Variants in CEP85L observed in about 807,000 individuals in gnomAD.
CEP85L encodes the protein centrosomal protein of 85 kDa-like.
CEP85L carries 60 observed loss-of-function variants against 100.3 expected under a neutral mutation model. That is an observed-to-expected ratio of 0.60 (90% CI 0.49 to 0.74). The LOEUF (loss-of-function observed/expected upper bound fraction) is 0.74. Among genes scored for constraint, CEP85L ranks in the 30% least tolerant of loss-of-function variants. CEP85L has a pLI of 0.00. For missense variants in CEP85L, 973 were observed against 936.2 expected (o/e 1.04, Z -0.51); for synonymous variants, 319 against 322.7 (o/e 0.99, Z 0.12).
intron 2 of CEP85L, among the ~76,000 whole-genome samples, chr6:118,608,223 C>T (rs1150121): frequency 0.02 from 2,977 of 152,146 alleles, 89 homozygotes; most frequent in African/African-American, 0.067. Context: ...CTGCTGGGCA[C>T]GGTGGCTCAC....
intron 1 of CEP85L, among the ~76,000 whole-genome samples, chr6:118,685,165 T>C (rs1345001900): frequency 6.6e-6 from 1 of 152,210 alleles, no homozygotes; most frequent in Non-Finnish European, 1.5e-5. Context: ...AATTGTCCTT[T>C]TGTTTTTAAG....
At chr6:118,543,891 A>C (rs1778048383) in intron 3 of CEP85L, among the ~76,000 whole-genome samples, 2 of 152,232 alleles carry the variant, frequency 1.3e-5, no homozygotes, top group African/African-American at 2.4e-5. Context: ...GTCACAACGA[A>C]GGGTAGAAAA....
intron 2 of CEP85L, among the ~76,000 whole-genome samples, chr6:118,583,801 A>G (rs1230936024): frequency 2.0e-5 from 3 of 152,198 alleles, no homozygotes; most frequent in African/African-American, 7.2e-5. Context: ...CAGAAACCCA[A>G]TGGGGAATGA....
At chr6:118,495,307 G>T (rs1023927961) in intron 5 of CEP85L, among the ~76,000 whole-genome samples, 2 of 152,074 alleles carry the variant, frequency 1.3e-5, no homozygotes, top group Non-Finnish European at 2.9e-5. Context: ...CGGTTTGGTT[G>T]TGTCCCCACC....
At chr6:118,577,386 C>G (rs772777902) in intron 2 of CEP85L, among the ~76,000 whole-genome samples, 2 of 152,086 alleles carry the variant, frequency 1.3e-5, no homozygotes, top group East Asian at 3.9e-4. Flanking sequence ...AAAGGACAAT[C>G]GTGAAAAAAG....
chr6:118,634,417 CATTT>C lies in CEP85L; in HGVS notation c.74-1810_74-1807del, dbSNP rs566016144. 4.0e-4 allele frequency among the ~76,000 whole-genome samples: 61 copies of C among 152,156 alleles called. 1 individual carries two copies. In the South Asian group the frequency reaches 0.011, roughly 27 times the overall value. ...CATTGTCACATTATTTTATTTAATG[CATTT>C]ATTTATTTAAATGCAATTTATCAAT... On this transcript the variant is annotated intron_variant, in intron 1 of 12. Coordinates refer to ENST00000368491, the MANE Select transcript of CEP85L (RefSeq NM_001042475.3).
intron 12 of CEP85L, among the ~76,000 whole-genome samples, chr6:118,466,977 C>CA (rs1772571334): frequency 1.3e-5 from 2 of 152,098 alleles, no homozygotes; most frequent in South Asian, 4.2e-4. Flanking sequence ...GAGTGATGGG[C>CA]AGGGATTGGG....
intron 3 of CEP85L, among the ~76,000 whole-genome samples, chr6:118,526,685 G>A (rs1776982445): frequency 6.6e-6 from 1 of 152,144 alleles, no homozygotes; most frequent in African/African-American, 2.4e-5. Context: ...CCAAAACCAA[G>A]ACAGCCATGA....
chr6:118,555,482 C>A (rs1778806994), intron 3 of CEP85L, among the ~76,000 whole-genome samples: 1 of 150,358 alleles, frequency 6.7e-6, no homozygotes, highest in Non-Finnish European at 1.5e-5. Flanking sequence ...CCATAATTTT[C>A]CAATCCACTA....
chr6:118,635,298 A>G (rs1774424541), intron 1 of CEP85L, among the ~76,000 whole-genome samples: 1 of 152,224 alleles, frequency 6.6e-6, no homozygotes, highest in Non-Finnish European at 1.5e-5. Context: ...TTAACATGGA[A>G]GAACATCCAG....
At chr6:118,651,815 C>T, upstream of CEP85L, 5 of 985,594 alleles carry the variant, frequency 5.1e-6, no homozygotes, top group Non-Finnish European at 4.8e-6. Flanking sequence ...TCCCGCCCTG[C>T]GAGTTGAGTA....
rs71012391 is a variant in CEP85L at position 118,542,900 on chromosome 6, CAAA to C, written c.1021-18983_1021-18981del. Among the ~76,000 whole-genome samples the C allele has an allele frequency of 6.7e-3, 453 of 67,164 alleles. 4 individuals carry two copies. Among genetic ancestry groups the C allele is most frequent in the African/African-American group, 0.023 (422 of 18,234 alleles). The allele number at this position is 67,164 out of a possible 152,430, so 44.1% of individuals were successfully genotyped here. On this transcript the variant is annotated intron_variant, in intron 3 of 12. Transcript: ENST00000368491. ...GAACTTCAACATCACCAAGTTTTCC[CAAA>C]AAAAAAAAAAAAAAAAAAAACAGGA...
intron 2 of CEP85L, among the ~76,000 whole-genome samples, chr6:118,627,584 G>T (rs1387428316): frequency 6.6e-6 from 1 of 152,184 alleles, no homozygotes; most frequent in Admixed American, 6.5e-5. Context: ...AATTGCTGGA[G>T]GCTGAGTATG....
intron 6 of CEP85L, among the ~76,000 whole-genome samples, chr6:118,488,092 A>T (rs1774309591): frequency 6.6e-6 from 1 of 152,130 alleles, no homozygotes. Flanking sequence ...TCTCCTGTAT[A>T]AGGCTAGTCT....
intron 1 of CEP85L, among the ~76,000 whole-genome samples, chr6:118,682,195 A>G (rs1776687791): frequency 6.6e-6 from 1 of 152,220 alleles, no homozygotes; most frequent in African/African-American, 2.4e-5. Context: ...GTTTTAACAT[A>G]TTTTCATCTA....
At chr6:118,576,638 C>G (rs1780250845) in intron 2 of CEP85L, among the ~76,000 whole-genome samples, 2 of 152,018 alleles carry the variant, frequency 1.3e-5, no homozygotes, top group African/African-American at 4.8e-5. Flanking sequence ...ACTCCTGTGT[C>G]TTGCATATGG....
chr6:118,556,442 T>C (rs1562257351), intron 3 of CEP85L, among the ~76,000 whole-genome samples: 2 of 152,192 alleles, frequency 1.3e-5, no homozygotes, highest in Non-Finnish European at 2.9e-5. Context: ...CAGAATATAA[T>C]AGACCCAAGT....
chr6:118,614,559 T>A (rs1044853074), intron 2 of CEP85L, among the ~76,000 whole-genome samples: 5 of 152,102 alleles, frequency 3.3e-5, no homozygotes, highest in African/African-American at 1.2e-4. Context: ...AAAAAGCAAA[T>A]GTGGCCGGGC....
intron 4 of CEP85L, among the ~76,000 whole-genome samples, chr6:118,520,666 C>A (rs1161636987): frequency 6.6e-6 from 1 of 152,146 alleles, no homozygotes; most frequent in African/African-American, 2.4e-5. Context: ...TATTCCTTAA[C>A]CAACCTCTCT....
Sources: gnomAD v4.1 joint callset for allele counts (sites outside exome capture counted in the v4.1 genomes callset) on GRCh38, gnomAD v4.1.1 for gene constraint, MANE v1.5 for transcripts, NCBI Gene and HGNC (gene_info 2026-07-23, HGNC 2026-07-21) for gene names.